PLEKHO2: variants seen among roughly 807,000 people sequenced by gnomAD.
PLEKHO2 encodes the protein pleckstrin homology domain-containing family O member 2.
Under a neutral mutation model 32.7 loss-of-function variants are expected in PLEKHO2, and 20 were observed. The observed-to-expected ratio is 0.61, with a 90% CI of 0.43 to 0.89. PLEKHO2 has a LOEUF of 0.89. Among genes scored for constraint, PLEKHO2 ranks in the 40% least tolerant of loss-of-function variants. The pLI is 0.00. For synonymous variants in PLEKHO2, 247 were observed against 246.3 expected, an observed-to-expected ratio of 1.00 and a Z score of -0.03; for missense variants, 568 against 621.2, an observed-to-expected ratio of 0.91 and a Z score of 0.91.
Position 64,864,983 on chromosome 15 carries a change from C to T in PLEKHO2, c.568C>T (p.His190Tyr). The change falls in exon 6 of 6, where the codon CAT (histidine) becomes TAT (tyrosine). Residue 190 changes from histidine to tyrosine, a missense_variant. His to Tyr is a moderately conservative substitution (Grantham distance 83). Coordinates refer to ENST00000323544, the MANE Select transcript of PLEKHO2 (RefSeq NM_025201.5). ...SGPPVFAPSNHVSEAQPRETP... is the reference protein window; with the variant it reads ...SGPPVFAPSNYVSEAQPRETP... Reference sequence around the variant, plus strand: ...GCCACCAGTGTTTGCCCCCAGCAATCATGTCAGTGAAGCCCAACCTCGGGA... The same window carrying T: ...GCCACCAGTGTTTGCCCCCAGCAATTATGTCAGTGAAGCCCAACCTCGGGA... The T allele has an allele frequency of 6.2e-7, 1 of 1,614,112 alleles. No individual in the cohort carries two copies. Among genetic ancestry groups the T allele is most frequent in the African/African-American group, 1.3e-5 (1 of 75,018 alleles).
intron 3 of PLEKHO2, among the ~76,000 whole-genome samples, chr15:64,858,901 T>A (rs576063490): frequency 6.6e-6 from 1 of 152,196 alleles, no homozygotes; most frequent in African/African-American, 2.4e-5. Context: ...ACTAAAACTC[T>A]ATGCCCATTA....
At chr15:64,852,949 A>T (rs1239396403) in intron 2 of PLEKHO2, among the ~76,000 whole-genome samples, 5 of 151,042 alleles carry the variant, frequency 3.3e-5, no homozygotes, top group African/African-American at 1.2e-4. Flanking sequence ...AGAGTTCGAG[A>T]CCAGCCTGGC....
At chr15:64,849,448 CTT>C (rs35854011) in intron 2 of PLEKHO2, among the ~76,000 whole-genome samples, 1 of 134,418 alleles carries the variant, frequency 7.4e-6, no homozygotes. Flanking sequence ...GCCTGGCCCT[CTT>C]TTTTTTTTTT....
intron 5 of PLEKHO2, among the ~76,000 whole-genome samples, chr15:64,862,657 A>C (rs551158538): frequency 6.6e-6 from 1 of 152,328 alleles, no homozygotes; most frequent in South Asian, 2.1e-4. Context: ...CAAGTGCCAC[A>C]TCTGGAGAGA....
rs771879586 is a variant in PLEKHO2 at position 64,855,042 on chromosome 15, G to A, written c.279+5G>A. 1 of 1,571,474 alleles carries A rather than the reference G, an allele frequency of 6.4e-7. No individual in the cohort carries two copies. The highest frequency in any genetic ancestry group is 8.6e-7 in the Non-Finnish European group (1 of 1,156,536). ...CTGCGATCCCCAGGGAACAAGGTAG[G>A]GCGATGCCTGCTGCTGCCCCATCTC... On this transcript the variant is annotated splice_donor_5th_base_variant and intron_variant, in intron 3 of 5. Transcript: ENST00000323544.
chr15:64,857,596 G>A (rs2084613747), intron 3 of PLEKHO2, among the ~76,000 whole-genome samples: 1 of 152,170 alleles, frequency 6.6e-6, no homozygotes, highest in Non-Finnish European at 1.5e-5. Flanking sequence ...CATCCTTGTG[G>A]AATGCCTGGC....
intron 3 of PLEKHO2, among the ~76,000 whole-genome samples, chr15:64,857,955 C>G (rs1166652992): frequency 6.6e-6 from 1 of 152,220 alleles, no homozygotes. Flanking sequence ...TTCAAGCTCC[C>G]TGGATGCTAA....
intron 4 of PLEKHO2, among the ~76,000 whole-genome samples, chr15:64,861,214 T>C (rs1016776964): frequency 3.9e-5 from 6 of 152,164 alleles, no homozygotes; most frequent in Non-Finnish European, 7.4e-5. Flanking sequence ...TATATATTTG[T>C]GATATACTCA....
chr15:64,858,309 A>G (rs1348518832), intron 3 of PLEKHO2, among the ~76,000 whole-genome samples: 1 of 152,192 alleles, frequency 6.6e-6, no homozygotes, highest in Non-Finnish European at 1.5e-5. Context: ...CCAGGAGGAA[A>G]TTATATAATG....
rs2084688945 is a variant in PLEKHO2 at position 64,866,479 on chromosome 15, C to T, written c.*591C>T. On this transcript the variant is annotated 3_prime_UTR_variant, in exon 6 of 6. Coordinates refer to ENST00000323544, the MANE Select transcript of PLEKHO2 (RefSeq NM_025201.5). ...GGAGCCTCTTGAGGGAGATGAGAGG[C>T]CTCTTTGTGAGGAGGACATTAGCTG... 2 of 439,672 alleles carry T rather than the reference C, an allele frequency of 4.5e-6. No individual in the cohort carries two copies. The highest frequency in any genetic ancestry group is 5.0e-5 in the Admixed American group (2 of 39,850). 27.2% of individuals were successfully genotyped at this position (439,672 alleles called of 1,614,324 possible).
At chr15:64,849,764 T>A (rs2084552855) in intron 2 of PLEKHO2, among the ~76,000 whole-genome samples, 1 of 149,096 alleles carries the variant, frequency 6.7e-6, no homozygotes, top group African/African-American at 2.5e-5. Context: ...GAACTGTATG[T>A]GCATCTAGTG....
Position 64,863,225 on chromosome 15 carries a change from C to T in PLEKHO2, c.483+1650C>T, listed in dbSNP as rs532797414. ...TGCTGGGATTACAGGCGTGAGCCAC[C>T]GCGCCTGGCCTTGCAGCGTATTTTC... On this transcript the variant is annotated intron_variant, in intron 5 of 5. Transcript: ENST00000323544. Among the ~76,000 whole-genome samples the T allele has an allele frequency of 2.4e-4, 36 of 152,178 alleles. No homozygotes were observed. In the South Asian group the frequency reaches 3.5e-3, roughly 15 times the overall value.
intron 5 of PLEKHO2, among the ~76,000 whole-genome samples, chr15:64,863,748 T>G (rs1489488590): frequency 7.0e-5 from 1 of 14,282 alleles, no homozygotes; most frequent in Non-Finnish European, 1.0e-4. Context: ...CGAGACCCCC[T>G]TTTTTTTTTT....
intron 3 of PLEKHO2, among the ~76,000 whole-genome samples, chr15:64,858,257 G>A (rs965945496): frequency 1.3e-5 from 2 of 152,226 alleles, no homozygotes; most frequent in Non-Finnish European, 2.9e-5. Flanking sequence ...GGCATGGTGG[G>A]GGTGGGACCC....
rs77280387 is a variant in PLEKHO2, at chr15:64,860,926, G to A, written c.385-551G>A. Among the ~76,000 whole-genome samples, 1,088 of 152,336 alleles carry A rather than the reference G, an allele frequency of 7.1e-3. 9 individuals carry two copies. The highest frequency in any genetic ancestry group is 0.025 in the African/African-American group (1,040 of 41,574). On this transcript the variant is annotated intron_variant, in intron 4 of 5. Coordinates refer to ENST00000323544, the MANE Select transcript of PLEKHO2 (RefSeq NM_025201.5). ...CCACTCCCCATCATAGGGCCAGGCT[G>A]CTCCAGGGTTCTGAGTCTGGACCTC...
chr15:64,862,529 G>A (rs2084649717), intron 5 of PLEKHO2, among the ~76,000 whole-genome samples: 1 of 152,122 alleles, frequency 6.6e-6, no homozygotes, highest in Non-Finnish European at 1.5e-5. Flanking sequence ...TTTTAGACCA[G>A]TGGAGCTAAT....
chr15:64,848,487 C>G (rs1595827846), intron 1 of PLEKHO2, 106 bp from the exon 2 acceptor site: 2 of 1,303,074 alleles, frequency 1.5e-6, no homozygotes, highest in South Asian at 2.6e-5. Context: ...ATTATGATGT[C>G]ATTAGGTACT....
Position 64,848,623 on chromosome 15 carries a change from G to A in PLEKHO2, c.43G>A (p.Gly15Arg). The change falls in exon 2 of 6, where the codon GGA becomes AGA. Residue 15 changes from glycine to arginine, a missense_variant. Physicochemically the swap from Gly to Arg is moderately radical, Grantham distance 125 (BLOSUM62 -2). Coordinates refer to ENST00000323544, the MANE Select transcript of PLEKHO2 (RefSeq NM_025201.5). ...GAAGGAAGCCGGTGAGAAGCCTCGG[G>A]GAGCACAGATGGTGGACAAGGCTGG... The part of the protein sequence containing the change: ...GVKEAGEKPR[G>R]AQMVDKAGWI... The A allele has an allele frequency of 6.2e-7, 1 of 1,614,156 alleles. No homozygotes were observed. The highest frequency in any genetic ancestry group is 8.5e-7 in the Non-Finnish European group (1 of 1,180,034).
intron 4 of PLEKHO2, among the ~76,000 whole-genome samples, chr15:64,861,168 C>T (rs895001961): frequency 6.6e-6 from 1 of 152,162 alleles, no homozygotes; most frequent in Non-Finnish European, 1.5e-5. Context: ...TCAACCTTCT[C>T]TCCTAGCTAA....
Sources: gnomAD v4.1 joint callset for allele counts (sites outside exome capture counted in the v4.1 genomes callset) on GRCh38, gnomAD v4.1.1 for gene constraint, MANE v1.5 for transcripts, NCBI Gene and HGNC (gene_info 2026-07-23, HGNC 2026-07-21) for gene names.